The following EPHA5 variants were observed in gnomAD, a reference collection of about 807,000 sequenced individuals.
The protein encoded by EPHA5 is EPH receptor A5.
EPHA5 carries 60 observed loss-of-function variants against 105.0 expected under a neutral mutation model. The ratio of observed to expected loss-of-function variants is 0.57; its 90% CI spans 0.46 to 0.71. The LOEUF (loss-of-function observed/expected upper bound fraction) is 0.71. Ranked by LOEUF, EPHA5 falls within the 30% of genes least tolerant of loss-of-function variation. The pLI, the probability that EPHA5 is intolerant of heterozygous loss-of-function variation, is 0.00. For missense variants in EPHA5, 1,218 were observed against 1,274.7 expected (o/e 0.96, Z 0.68); for synonymous variants, 513 against 449.1 (o/e 1.14, Z -1.80).
chr4:65,602,392 CTG>C (rs1743826679), intron 2 of EPHA5, 88 bp from the exon 3 acceptor site: 2 of 1,042,952 alleles, frequency 1.9e-6, no homozygotes, highest in Admixed American at 5.2e-5. Context: ...AGAAAACTAA[CTG>C]AGATATAGAA....
At chr4:65,566,595 G>A (rs546945707) in intron 3 of EPHA5, among the ~76,000 whole-genome samples, 1 of 151,532 alleles carries the variant, frequency 6.6e-6, no homozygotes, top group Non-Finnish European at 1.5e-5. Flanking sequence ...TAGAGAGGCA[G>A]CAAAGTGCTA....
At chr4:65,465,031 A>C (rs143823705) in intron 5 of EPHA5, among the ~76,000 whole-genome samples, 1,717 of 152,312 alleles carry the variant, frequency 0.011, 37 homozygotes, top group African/African-American at 0.04. Context: ...TGTAAGAGTG[A>C]TGAAATTTCC....
intron 3 of EPHA5, among the ~76,000 whole-genome samples, chr4:65,532,640 G>A (rs574521665): frequency 1.9e-4 from 22 of 114,060 alleles, no homozygotes; most frequent in African/African-American, 6.3e-4. Flanking sequence ...CCCAATTTTC[G>A]TTGAATCTCT....
chr4:65,363,460 T>G (rs80019948), intron 11 of EPHA5, among the ~76,000 whole-genome samples: 12,132 of 151,514 alleles, frequency 0.08, 739 homozygotes, highest in Non-Finnish European at 0.12. Context: ...TGGTCTTCCA[T>G]GATAATAACA....
intron 3 of EPHA5, among the ~76,000 whole-genome samples, chr4:65,506,633 C>A (rs182869653): frequency 3.4e-5 from 5 of 145,920 alleles, no homozygotes; most frequent in Admixed American, 2.7e-4. Context: ...TGTCTTTTGG[C>A]TGCATAAATG....
At chr4:65,661,251 TTTTG>T (rs1400507145) in intron 1 of EPHA5, among the ~76,000 whole-genome samples, 1 of 152,038 alleles carries the variant, frequency 6.6e-6, no homozygotes, top group African/African-American at 2.4e-5. Flanking sequence ...TCTTAACTGT[TTTTG>T]TTTGTATGCT....
At chr4:65,404,793 T>C (rs1185027725) in intron 7 of EPHA5, among the ~76,000 whole-genome samples, 1 of 152,164 alleles carries the variant, frequency 6.6e-6, no homozygotes, top group South Asian at 2.1e-4. Context: ...AAAATGGAAC[T>C]CCTTTATTGA....
intron 8 of EPHA5, among the ~76,000 whole-genome samples, chr4:65,387,531 T>C (rs934678422): frequency 6.6e-6 from 1 of 151,884 alleles, no homozygotes; most frequent in Non-Finnish European, 1.5e-5. Flanking sequence ...CAGTATACAC[T>C]AGCACAGGTT....
intron 1 of EPHA5, among the ~76,000 whole-genome samples, chr4:65,658,009 CT>C (rs60072108): frequency 2.6e-4 from 39 of 150,838 alleles, no homozygotes; most frequent in African/African-American, 8.0e-4. Flanking sequence ...CAGAAGAGAG[CT>C]TTTTTTTCTA....
chr4:65,477,268 G>A (rs1729912693), intron 5 of EPHA5, among the ~76,000 whole-genome samples: 1 of 152,122 alleles, frequency 6.6e-6, no homozygotes, highest in African/African-American at 2.4e-5. Flanking sequence ...TAGATTTTAG[G>A]TAGAGAAAAT....
intron 14 of EPHA5, among the ~76,000 whole-genome samples, chr4:65,344,077 G>C (rs756533463): frequency 6.6e-6 from 1 of 152,146 alleles, no homozygotes; most frequent in Non-Finnish European, 1.5e-5. Flanking sequence ...TTAAGCATTA[G>C]ATAAATGAAC....
intron 1 of EPHA5, among the ~76,000 whole-genome samples, chr4:65,662,679 T>C (rs778757632): frequency 6.6e-6 from 1 of 152,138 alleles, no homozygotes; most frequent in Non-Finnish European, 1.5e-5. Flanking sequence ...GTAAAACAAA[T>C]GTAAAATTAG....
rs1305571725 is a variant in EPHA5 at position 65,483,468 on chromosome 4, G to T, written c.1402+6909C>A. Among the ~76,000 whole-genome samples, 8 of 152,230 alleles carry T rather than the reference G, an allele frequency of 5.3e-5. No individual in the cohort carries two copies. The East Asian group carries it at 1.6e-3, about 30-fold the overall frequency. On this transcript the variant is annotated intron_variant, in intron 5 of 16. Coordinates refer to ENST00000613740, the MANE Select transcript of EPHA5 (RefSeq NM_001281766.3). ...TCCACAATGGTTGAACTAGTTTACA[G>T]TCCCACCAACAGTGTAAAAGTGTTC...
intron 2 of EPHA5, among the ~76,000 whole-genome samples, chr4:65,635,922 A>G (rs1747083440): frequency 6.6e-6 from 1 of 152,138 alleles, no homozygotes; most frequent in African/African-American, 2.4e-5. Context: ...AGAGGGAGGA[A>G]AGCTTTAAGT....
chr4:65,668,222 A>G (rs1048940781), intron 1 of EPHA5, among the ~76,000 whole-genome samples: 4 of 151,950 alleles, frequency 2.6e-5, no homozygotes, highest in African/African-American at 9.7e-5. Context: ...TAGAGCTGGC[A>G]TTGCTGGGAT....
At chr4:65,614,496 C>G (rs1265530788) in intron 2 of EPHA5, among the ~76,000 whole-genome samples, 1 of 151,754 alleles carries the variant, frequency 6.6e-6, no homozygotes, top group Non-Finnish European at 1.5e-5. Flanking sequence ...CCTGACCTCC[C>G]TTTATTATTC....
chr4:65,472,326 C>G (rs1729366682), intron 5 of EPHA5, among the ~76,000 whole-genome samples: 1 of 152,134 alleles, frequency 6.6e-6, no homozygotes, highest in Admixed American at 6.5e-5. Context: ...TTTCCAGATA[C>G]AGGGTGCAAA....
intron 5 of EPHA5, among the ~76,000 whole-genome samples, chr4:65,458,152 T>C (rs1248505810): frequency 1.3e-5 from 2 of 151,742 alleles, no homozygotes; most frequent in Non-Finnish European, 2.9e-5. Context: ...AATATACATA[T>C]TCAGTGTAAG....
rs1261619092 is a variant in EPHA5 at position 65,558,199 on chromosome 4, T to C, written c.910+43442A>G. On this transcript the variant is annotated intron_variant, in intron 3 of 16. Coordinates refer to ENST00000613740, the MANE Select transcript of EPHA5 (RefSeq NM_001281766.3). ...GCCCAAAATTCTTAATCTGTAGTAC[T>C]CAGAAAATTTATTTCCATATTTCTC... 2.6e-5 allele frequency among the ~76,000 whole-genome samples: 4 copies of C among 152,124 alleles called. No individual in the cohort carries two copies. The East Asian group carries it at 7.7e-4, about 29-fold the overall frequency.
Sources: allele counts gnomAD v4.1 joint callset (sites outside exome capture counted in the v4.1 genomes callset), GRCh38; gene constraint gnomAD v4.1.1; transcripts MANE v1.5; gene names NCBI Gene and HGNC (gene_info 2026-07-23, HGNC 2026-07-21).